Variants in LRRC4C observed in about 807,000 individuals in gnomAD.
LRRC4C encodes the protein leucine-rich repeat-containing protein 4C.
Under a neutral mutation model 33.6 loss-of-function variants are expected in LRRC4C, and 5 were observed. The ratio of observed to expected loss-of-function variants is 0.15; its 90% confidence interval spans 0.08 to 0.31. The LOEUF is 0.31. Ranked by LOEUF, LRRC4C falls within the 10% of genes least tolerant of loss-of-function variation. The pLI is 1.00. For missense variants in LRRC4C, 560 were observed against 796.7 expected (o/e 0.70, Z 3.58); for synonymous variants, 329 against 302.0 (o/e 1.09, Z -0.93).
intron 3 of LRRC4C, among the ~76,000 whole-genome samples, chr11:40,647,684 A>G (rs552452919): frequency 3.9e-5 from 6 of 152,314 alleles, no homozygotes; most frequent in African/African-American, 1.4e-4. Flanking sequence ...GCCAGCTACC[A>G]TTCCCAAACA....
chr11:41,144,335 T>C (rs921986688), intron 1 of LRRC4C, among the ~76,000 whole-genome samples: 29 of 152,176 alleles, frequency 1.9e-4, no homozygotes, highest in Non-Finnish European at 4.3e-4. Flanking sequence ...AGACTTCAGT[T>C]TAGAATACAA....
At chr11:40,569,738 C>T (rs527770833) in intron 3 of LRRC4C, among the ~76,000 whole-genome samples, 2 of 152,122 alleles carry the variant, frequency 1.3e-5, no homozygotes, top group East Asian at 1.9e-4. Flanking sequence ...AGTTCAACAT[C>T]TATACTGAGG....
intron 1 of LRRC4C, among the ~76,000 whole-genome samples, chr11:41,423,490 T>A (rs1360178727): frequency 6.6e-6 from 1 of 152,056 alleles, no homozygotes; most frequent in Non-Finnish European, 1.5e-5. Context: ...TAAAAGCCAC[T>A]CTTTGTGGAT....
At chr11:41,106,672 T>C (rs1231792148) in intron 1 of LRRC4C, among the ~76,000 whole-genome samples, 1 of 152,102 alleles carries the variant, frequency 6.6e-6, no homozygotes, top group Non-Finnish European at 1.5e-5. Context: ...TTCTGAAGTG[T>C]AAATATTTGA....
intron 3 of LRRC4C, among the ~76,000 whole-genome samples, chr11:40,414,599 ATCTC>A (rs1169436937): frequency 6.6e-6 from 1 of 152,084 alleles, no homozygotes; most frequent in African/African-American, 2.4e-5. Flanking sequence ...ATAGCAGTGA[ATCTC>A]TATTGGCTTT....
chr11:41,166,867 A>G (rs948764543), intron 1 of LRRC4C, among the ~76,000 whole-genome samples: 32 of 152,298 alleles, frequency 2.1e-4, no homozygotes, highest in Non-Finnish European at 3.2e-4. Flanking sequence ...TACAGACACC[A>G]TGGCAATTCA....
At chr11:40,968,697 G>C (rs558912828) in intron 1 of LRRC4C, among the ~76,000 whole-genome samples, 1 of 152,178 alleles carries the variant, frequency 6.6e-6, no homozygotes, top group African/African-American at 2.4e-5. Flanking sequence ...TTGGATGAGA[G>C]TACATCTGTT....
At chr11:41,260,239 C>T (rs898075665) in intron 1 of LRRC4C, among the ~76,000 whole-genome samples, 2 of 151,910 alleles carry the variant, frequency 1.3e-5, no homozygotes, top group African/African-American at 4.8e-5. Flanking sequence ...CTAGATCCTA[C>T]AATTTAGAAA....
chr11:40,874,169 A>G (rs1954775370), intron 2 of LRRC4C, among the ~76,000 whole-genome samples: 1 of 152,216 alleles, frequency 6.6e-6, no homozygotes, highest in Admixed American at 6.5e-5. Flanking sequence ...GTACAAGTTT[A>G]TAAAGATTTG....
chr11:41,063,431 G>C (rs760247794), intron 1 of LRRC4C, among the ~76,000 whole-genome samples: 2 of 152,114 alleles, frequency 1.3e-5, no homozygotes, highest in Non-Finnish European at 2.9e-5. Context: ...TAAGGGCTAA[G>C]AGGCAAATAA....
intron 2 of LRRC4C, among the ~76,000 whole-genome samples, chr11:40,864,881 CA>C (rs1224580796): frequency 2.0e-5 from 3 of 152,118 alleles, no homozygotes; most frequent in Non-Finnish European, 4.4e-5. Flanking sequence ...AGATATTACA[CA>C]AGGGGATAAG....
intron 4 of LRRC4C, among the ~76,000 whole-genome samples, chr11:40,246,535 A>G (rs1382902922): frequency 1.3e-5 from 2 of 152,200 alleles, no homozygotes; most frequent in Non-Finnish European, 2.9e-5. Flanking sequence ...AATTCATCTC[A>G]TCTTCTATTA....
intron 5 of LRRC4C, among the ~76,000 whole-genome samples, chr11:40,172,717 A>G (rs190403449): frequency 6.6e-6 from 1 of 152,046 alleles, no homozygotes; most frequent in Non-Finnish European, 1.5e-5. Context: ...GGGACCTTCT[A>G]TCCATGACTG....
At chr11:40,577,415 C>T (rs1416650054) in intron 3 of LRRC4C, among the ~76,000 whole-genome samples, 3 of 152,184 alleles carry the variant, frequency 2.0e-5, no homozygotes, top group Non-Finnish European at 4.4e-5. Context: ...AAAGGAGTCA[C>T]TAGTAATATG....
At chr11:40,748,803 T>C (rs541582821) in intron 2 of LRRC4C, among the ~76,000 whole-genome samples, 1 of 152,084 alleles carries the variant, frequency 6.6e-6, no homozygotes, top group East Asian at 1.9e-4. Context: ...TCCAGGCAAA[T>C]GAAAGTCAAT....
intron 2 of LRRC4C, among the ~76,000 whole-genome samples, chr11:40,856,250 T>C (rs1953775851): frequency 6.6e-6 from 1 of 152,220 alleles, no homozygotes; most frequent in Non-Finnish European, 1.5e-5. Context: ...AATCTGTTTC[T>C]GAAACAGTTT....
intron 4 of LRRC4C, among the ~76,000 whole-genome samples, chr11:40,286,289 G>A (rs960500117): frequency 1.3e-5 from 2 of 152,066 alleles, no homozygotes; most frequent in East Asian, 1.9e-4. Context: ...ATCTCTGCTC[G>A]GTTGACCACA....
At chr11:41,364,898 C>T (rs978590357) in intron 1 of LRRC4C, among the ~76,000 whole-genome samples, 5 of 151,946 alleles carry the variant, frequency 3.3e-5, no homozygotes, top group Admixed American at 1.3e-4. Flanking sequence ...ATATCTAAGG[C>T]GGAAATATAA....
At chr11:41,180,766 A>T (rs1313535475) in intron 1 of LRRC4C, among the ~76,000 whole-genome samples, 1 of 152,186 alleles carries the variant, frequency 6.6e-6, no homozygotes, top group Non-Finnish European at 1.5e-5. Context: ...CATGGCCCAG[A>T]TACAGATCTC....
Sources: allele counts gnomAD v4.1 joint callset (sites outside exome capture counted in the v4.1 genomes callset), GRCh38; gene constraint gnomAD v4.1.1; transcripts MANE v1.5; gene names NCBI Gene and HGNC (gene_info 2026-07-23, HGNC 2026-07-21).